RCBTB1: variants seen among roughly 807,000 people sequenced by gnomAD.
The protein encoded by RCBTB1 is RCC1 and BTB domain containing protein 1.
In RCBTB1, 46 loss-of-function variants were observed where a neutral mutation model predicts 62.4. The observed-to-expected ratio is 0.74, with a 90% confidence interval of 0.58 to 0.94. The LOEUF (loss-of-function observed/expected upper bound fraction) is 0.94, where lower values mean the gene tolerates loss of function less well. Ranked by LOEUF, RCBTB1 falls within the 40% of genes least tolerant of loss-of-function variation. RCBTB1 has a pLI of 0.00. For synonymous variants in RCBTB1, 222 were observed against 245.8 expected (o/e 0.90, Z 0.91); for missense variants, 565 against 654.9 (o/e 0.86, Z 1.50).
At chr13:49,553,896 C>G (rs1483287580) in intron 6 of RCBTB1, among the ~76,000 whole-genome samples, 1 of 152,182 alleles carries the variant, frequency 6.6e-6, no homozygotes, top group Non-Finnish European at 1.5e-5. Context: ...TATAGAAATA[C>G]TTGTATAAGT....
chr13:49,562,222 A>G (rs1273866206), intron 4 of RCBTB1, among the ~76,000 whole-genome samples: 2 of 152,224 alleles, frequency 1.3e-5, no homozygotes, highest in Non-Finnish European at 2.9e-5. Flanking sequence ...AGATCAAGAA[A>G]GAACACTTGG....
At chr13:49,574,117 C>CT (rs1963602873) in intron 2 of RCBTB1, among the ~76,000 whole-genome samples, 1 of 148,816 alleles carries the variant, frequency 6.7e-6, no homozygotes, top group Non-Finnish European at 1.5e-5. Flanking sequence ...TCCCAAATTT[C>CT]TTTTTTTGGG....
rs570422871 is a variant in RCBTB1, at chr13:49,566,760, T to A, written c.135A>T (p.Val45=). Residue 45 remains valine (V), a synonymous_variant, in exon 4 of 13, where the codon GTA becomes GTT. Coordinates refer to ENST00000378302, the MANE Select transcript of RCBTB1 (RefSeq NM_018191.4). The part of the protein sequence containing the change: ...LYVTDNDEVF[V]FGLNYSNCLG... ...GACAGTTACTATAGTTCAGTCCAAA[T>A]ACAAAGACCTAGAAAATAGATAGTT... 1 of 1,603,236 alleles carries A rather than the reference T, an allele frequency of 6.2e-7. No individual in the cohort carries two copies. The highest frequency in any genetic ancestry group is 1.1e-5 in the South Asian group (1 of 88,002).
intron 4 of RCBTB1, among the ~76,000 whole-genome samples, chr13:49,561,900 T>G (rs564430389): frequency 6.7e-6 from 1 of 150,146 alleles, no homozygotes; most frequent in Non-Finnish European, 1.5e-5. Context: ...AAGACCAGAC[T>G]GGCCAACACA....
At chr13:49,559,087 T>A (rs1015096234) in intron 5 of RCBTB1, among the ~76,000 whole-genome samples, 4 of 152,240 alleles carry the variant, frequency 2.6e-5, no homozygotes, top group African/African-American at 9.6e-5. Context: ...TTTTATCAAT[T>A]AGCCAATGGT....
At chr13:49,556,008 T>TAC (rs1192632370) in intron 5 of RCBTB1, among the ~76,000 whole-genome samples, 8 of 152,138 alleles carry the variant, frequency 5.3e-5, no homozygotes, top group African/African-American at 1.9e-4. Context: ...ACCACCATGC[T>TAC]ACATTCCCTC....
intron 4 of RCBTB1, among the ~76,000 whole-genome samples, chr13:49,562,904 C>A (rs1201252953): frequency 6.7e-6 from 1 of 149,996 alleles, no homozygotes; most frequent in African/African-American, 2.5e-5. Context: ...GGATTACAGG[C>A]ATGAGCCACC....
intron 2 of RCBTB1, among the ~76,000 whole-genome samples, chr13:49,570,117 A>G (rs1356450846): frequency 1.3e-5 from 2 of 152,242 alleles, no homozygotes; most frequent in Non-Finnish European, 2.9e-5. Context: ...TTAATTTTAC[A>G]TGACACAGAA....
chr13:49,575,271 G>A (rs1423481273), intron 2 of RCBTB1, among the ~76,000 whole-genome samples: 3 of 152,196 alleles, frequency 2.0e-5, no homozygotes, highest in Non-Finnish European at 4.4e-5. Context: ...TGGCGAGGCT[G>A]TACAGCAGAG....
At chr13:49,583,998 C>T (rs1242136339) in intron 1 of RCBTB1, among the ~76,000 whole-genome samples, 1 of 152,194 alleles carries the variant, frequency 6.6e-6, no homozygotes, top group East Asian at 1.9e-4. Flanking sequence ...GGGATATCAT[C>T]ATCATAATAA....
intron 4 of RCBTB1, among the ~76,000 whole-genome samples, chr13:49,561,565 TTAAA>T (rs906671672): frequency 1.3e-5 from 2 of 152,098 alleles, no homozygotes; most frequent in African/African-American, 4.8e-5. Flanking sequence ...AAAAATAGAC[TTAAA>T]TAGAGAAATG....
intron 1 of RCBTB1, among the ~76,000 whole-genome samples, chr13:49,582,374 C>T (rs890701935): frequency 2.0e-5 from 3 of 152,162 alleles, no homozygotes; most frequent in African/African-American, 7.2e-5. Flanking sequence ...GTAATCGCAG[C>T]TACTCAGGAC....
At chr13:49,581,487 C>T (rs1034672926) in intron 1 of RCBTB1, among the ~76,000 whole-genome samples, 1 of 152,174 alleles carries the variant, frequency 6.6e-6, no homozygotes, top group African/African-American at 2.4e-5. Flanking sequence ...TGCCAGGTAC[C>T]TGTGGGATAT....
intron 9 of RCBTB1, chr13:49,547,075 G>A (rs1570883): frequency 0.84 from 1,067,090 of 1,268,490 alleles, 449,600 homozygotes; most frequent in East Asian, 0.89. Context: ...ATCTGAAGAT[G>A]TGTACAGAAG....
At chr13:49,539,795 G>C (rs758248818) in intron 12 of RCBTB1, among the ~76,000 whole-genome samples, 25 of 152,166 alleles carry the variant, frequency 1.6e-4, no homozygotes, top group Non-Finnish European at 3.1e-4. Context: ...GACAAAGTCA[G>C]CTACATTTGA....
chr13:49,564,009 A>G (rs1175742124), intron 4 of RCBTB1, among the ~76,000 whole-genome samples: 3 of 152,236 alleles, frequency 2.0e-5, no homozygotes, highest in Non-Finnish European at 4.4e-5. Context: ...AGAGAGCAAG[A>G]GTTAATGTAT....
At chr13:49,580,372 C>A (rs1164178019) in intron 2 of RCBTB1, 133 bp downstream of exon 2, 1 of 152,332 alleles carries the variant, frequency 6.6e-6, no homozygotes, top group African/African-American at 2.4e-5. Flanking sequence ...ATCACTTGAA[C>A]CCAGGAGTTC....
chr13:49,550,361 G>T lies in RCBTB1; in HGVS notation c.855-713C>A, dbSNP rs900059772. 2.5e-5 allele frequency: 19 copies of T among 757,278 alleles called. No homozygotes were observed. In the African/African-American group the frequency reaches 3.4e-4, roughly 14 times the overall value. The allele number at this position is 757,278 out of a possible 1,614,324, so 46.9% of individuals were successfully genotyped here. On this transcript the variant is annotated intron_variant, in intron 8 of 12. Transcript: ENST00000378302. ...TTGGGCTGATAAGCATTGGCTGGGG[G>T]TCACGGACTCTGAACGTTCCAATCC... is the stretch of plus-strand genomic sequence containing the variant.
intron 4 of RCBTB1, among the ~76,000 whole-genome samples, chr13:49,562,188 C>G (rs1047226808): frequency 6.6e-6 from 1 of 151,142 alleles, no homozygotes; most frequent in African/African-American, 2.4e-5. Context: ...ACAATAGCAA[C>G]AAGTTCTGGA....
Sources: gnomAD v4.1 joint callset for allele counts (sites outside exome capture counted in the v4.1 genomes callset) on GRCh38, gnomAD v4.1.1 for gene constraint, MANE v1.5 for transcripts, NCBI Gene and HGNC (gene_info 2026-07-23, HGNC 2026-07-21) for gene names.